The following FGF13 variants were observed in gnomAD, a reference collection of about 807,000 sequenced individuals.
FGF13 encodes fibroblast growth factor 13.
In FGF13, 2 loss-of-function variants were observed where a neutral mutation model predicts 19.5. The observed-to-expected ratio is 0.10, with a 90% CI of 0.04 to 0.32. FGF13 has a LOEUF of 0.32. Among genes scored for constraint, FGF13 ranks in the 10% least tolerant of loss-of-function variants. The probability of loss-of-function intolerance (pLI) is 1.00; values close to 1 mark genes in which losing one functional copy is unlikely to be tolerated. For missense variants in FGF13, 113 were observed against 192.7 expected (o/e 0.59, Z 2.45); for synonymous variants, 72 against 76.9 (o/e 0.94, Z 0.33).
intron 1 of FGF13, among the ~76,000 whole-genome samples, chrX:139,023,895 A>C (rs1430242634): frequency 9.0e-6 from 1 of 111,600 alleles, no homozygotes; most frequent in Non-Finnish European, 1.9e-5. Flanking sequence ...TTTTTCTTTT[A>C]TCTTTTTCTA....
At chrX:138,754,994 T>C (rs2090422750) in intron 3 of FGF13, among the ~76,000 whole-genome samples, 1 of 112,000 alleles carries the variant, frequency 8.9e-6, no homozygotes, top group Admixed American at 9.5e-5. Flanking sequence ...TTTTGCTGTG[T>C]GTCCTATTGC....
intron 1 of FGF13, among the ~76,000 whole-genome samples, chrX:139,044,711 T>C (rs2124406839): frequency 9.0e-6 from 1 of 111,494 alleles, no homozygotes; most frequent in South Asian, 3.8e-4. Flanking sequence ...AAGGAAGTCA[T>C]TAAGTCTTAA....
rs779333104 is a variant in FGF13, at chrX:138,692,570, A to T, written c.402+10414T>A. Reference sequence around the variant, plus strand: ...CATTACCAAATATGTTGCTAGAGCAATTTCCAAATGTTCAGTGTAGGTTAT... The same window carrying T: ...CATTACCAAATATGTTGCTAGAGCATTTTCCAAATGTTCAGTGTAGGTTAT... On this transcript the variant is annotated intron_variant, in intron 3 of 4. Transcript: ENST00000315930. 2.8e-3 allele frequency among the ~76,000 whole-genome samples: 317 copies of T among 111,604 alleles called. 1 individual carries two copies. The highest frequency in any genetic ancestry group is 4.8e-3 in the Non-Finnish European group (256 of 52,946).
chrX:138,775,910 T>C (rs768396327), intron 3 of FGF13, among the ~76,000 whole-genome samples: 226 of 112,554 alleles, frequency 2.0e-3, no homozygotes, highest in African/African-American at 6.5e-3. Flanking sequence ...AGCATGGAGA[T>C]ATGTTGTGAT....
intron 3 of FGF13, among the ~76,000 whole-genome samples, chrX:138,691,409 G>A (rs1044541661): frequency 2.7e-5 from 3 of 111,781 alleles, no homozygotes; most frequent in Admixed American, 9.5e-5. Flanking sequence ...GTTACACACA[G>A]GCTTTTTTGT....
chrX:138,641,327 CTCT>C (rs1469277054), intron 3 of FGF13, among the ~76,000 whole-genome samples: 1 of 111,857 alleles, frequency 8.9e-6, no homozygotes, highest in African/African-American at 3.3e-5. Context: ...TCCCACCTCT[CTCT>C]TCTTCTCCTC....
At chrX:139,048,026 GA>G (rs945506230) in intron 1 of FGF13, among the ~76,000 whole-genome samples, 31 of 108,994 alleles carry the variant, frequency 2.8e-4, no homozygotes, top group African/African-American at 6.3e-4. Flanking sequence ...AATCTGTAGA[GA>G]TTTTTTTTCT....
chrX:138,753,499 TG>T (rs775188101), intron 3 of FGF13, among the ~76,000 whole-genome samples: 2 of 112,320 alleles, frequency 1.8e-5, no homozygotes, highest in South Asian at 7.4e-4. Flanking sequence ...ATCAGTGTAC[TG>T]GAGTTCTGAA....
intron 1 of FGF13, among the ~76,000 whole-genome samples, chrX:138,729,873 T>C (rs1377728011): frequency 9.0e-6 from 1 of 110,784 alleles, no homozygotes; most frequent in Non-Finnish European, 1.9e-5. Flanking sequence ...AAGAAGACAA[T>C]GGAATATCTC....
intron 3 of FGF13, among the ~76,000 whole-genome samples, chrX:138,690,459 C>T (rs770183853): frequency 9.0e-6 from 1 of 110,566 alleles, no homozygotes; most frequent in Admixed American, 9.7e-5. Context: ...GACTTTGATA[C>T]ATCTAAAAGC....
chrX:139,062,719 C>T (rs1409373817), intron 1 of FGF13, among the ~76,000 whole-genome samples: 6 of 111,423 alleles, frequency 5.4e-5, no homozygotes, highest in African/African-American at 2.0e-4. Flanking sequence ...TTTCAATTTC[C>T]TCAATGGGAC....
chrX:139,032,861 C>T (rs1185628255), intron 1 of FGF13, among the ~76,000 whole-genome samples: 2 of 109,384 alleles, frequency 1.8e-5, no homozygotes, highest in Non-Finnish European at 3.8e-5. Flanking sequence ...ACCTTGCAGT[C>T]TCAGGAGGCA....
At chrX:138,729,959 T>C (rs1245126434) in intron 1 of FGF13, among the ~76,000 whole-genome samples, 2 of 110,906 alleles carry the variant, frequency 1.8e-5, no homozygotes, top group African/African-American at 3.3e-5. Flanking sequence ...TCTTCAAAGA[T>C]CAAGGTAAAA....
At chrX:138,866,129 A>G (rs1462965201) in intron 1 of FGF13, among the ~76,000 whole-genome samples, 1 of 112,757 alleles carries the variant, frequency 8.9e-6, no homozygotes, top group Non-Finnish European at 1.9e-5. Context: ...TGTTTCCTTG[A>G]ATCTGTAATT....
chrX:138,808,993 C>G (rs1290464867), intron 3 of FGF13, among the ~76,000 whole-genome samples: 1 of 111,735 alleles, frequency 8.9e-6, no homozygotes, highest in East Asian at 2.8e-4. Context: ...CTGATGGATT[C>G]ACAGCCGAAT....
chrX:138,964,633 C>T (rs2091887792), intron 1 of FGF13, among the ~76,000 whole-genome samples: 1 of 111,760 alleles, frequency 8.9e-6, no homozygotes, highest in South Asian at 3.8e-4. Flanking sequence ...AGTTCTGCAG[C>T]TGTACAAGAA....
chrX:139,019,865 G>C (rs1023878704), intron 1 of FGF13, among the ~76,000 whole-genome samples: 1 of 109,632 alleles, frequency 9.1e-6, no homozygotes, highest in African/African-American at 3.3e-5. Context: ...TTTTCCTTCT[G>C]ATATTTAGTA....
chrX:138,806,599 A>C (rs957647597), intron 3 of FGF13: 1 of 112,385 alleles, frequency 8.9e-6, no homozygotes, highest in Admixed American at 9.5e-5. Flanking sequence ...CAGGAAGATA[A>C]GGATACTGTT....
chrX:138,724,820 A>T (rs1465703801), intron 1 of FGF13, among the ~76,000 whole-genome samples: 1 of 111,763 alleles, frequency 8.9e-6, no homozygotes, highest in African/African-American at 3.2e-5. Flanking sequence ...AAAGGGCCTT[A>T]GTGGAAAACC....
Sources: gnomAD v4.1 joint callset for allele counts (sites outside exome capture counted in the v4.1 genomes callset) on GRCh38, gnomAD v4.1.1 for gene constraint, MANE v1.5 for transcripts, NCBI Gene and HGNC (gene_info 2026-07-23, HGNC 2026-07-21) for gene names.